The following DAB1 variants were observed in gnomAD, a reference collection of about 807,000 sequenced individuals.
DAB1 encodes the protein disabled homolog 1.
A neutral mutation model predicts 64.6 loss-of-function variants in DAB1; 15 were observed. That is an observed-to-expected ratio of 0.23 (90% CI 0.16 to 0.36). The LOEUF (loss-of-function observed/expected upper bound fraction) is 0.36. DAB1 is among the 10% of genes least tolerant of loss of function. The probability of loss-of-function intolerance (pLI) is 1.00; values close to 1 mark genes in which losing one functional copy is unlikely to be tolerated. For synonymous variants in DAB1, 235 were observed against 251.9 expected (o/e 0.93, Z 0.64); for missense variants, 596 against 706.7 (o/e 0.84, Z 1.78).
intron 7 of DAB1, among the ~76,000 whole-genome samples, chr1:57,586,220 G>A (rs1405836485): frequency 2.0e-5 from 3 of 152,166 alleles, no homozygotes; most frequent in Non-Finnish European, 4.4e-5. Context: ...AGGTGACTAA[G>A]AGAAACTTTT....
intron 5 of DAB1, among the ~76,000 whole-genome samples, chr1:58,076,613 A>T (rs535691729): frequency 2.6e-5 from 4 of 152,370 alleles, no homozygotes; most frequent in African/African-American, 9.6e-5. Context: ...AGGTTTCCTA[A>T]TTAGTAAACG....
intron 12 of DAB1, among the ~76,000 whole-genome samples, chr1:57,013,110 A>G (rs1027386744): frequency 1.3e-5 from 2 of 152,248 alleles, no homozygotes; most frequent in African/African-American, 4.8e-5. Flanking sequence ...ACATCCTACA[A>G]TGGGACAGCC....
chr1:58,396,919 G>T (rs912998503), intron 3 of DAB1, among the ~76,000 whole-genome samples: 1 of 152,108 alleles, frequency 6.6e-6, no homozygotes, highest in African/African-American at 2.4e-5. Context: ...CAAAAAACTA[G>T]CCGGGCGTAG....
At chr1:57,081,604 C>T (rs1652563163) in intron 4 of DAB1, among the ~76,000 whole-genome samples, 1 of 152,030 alleles carries the variant, frequency 6.6e-6, no homozygotes, top group Admixed American at 6.6e-5. Flanking sequence ...TCGCTTAAGA[C>T]TTTTTGAGGT....
chr1:57,161,615 C>G (rs1266214454), intron 2 of DAB1, among the ~76,000 whole-genome samples: 1 of 152,096 alleles, frequency 6.6e-6, no homozygotes, highest in Non-Finnish European at 1.5e-5. Flanking sequence ...TAAAAAATAA[C>G]AAATGTATTT....
At chr1:57,866,275 T>G (rs2101949591) in intron 1 of DAB1, 1 of 152,426 alleles carries the variant, frequency 6.6e-6, no homozygotes, top group East Asian at 1.9e-4. Flanking sequence ...CTGTCACTGT[T>G]GTTACTGTTA....
In DAB1 at chr1:57,473,391, G is replaced by A. The variant is rs547021341; in HGVS notation, n.625+176201C>T. ...AGGGCCCTTACTTGAGATGTTCCCC[G>A]CTGCAGTCACTGACACAGGTGAGAC... On this transcript the variant is annotated intron_variant and non_coding_transcript_variant, in intron 7 of 20. Transcript: ENST00000485760. Among the ~76,000 whole-genome samples the A allele has an allele frequency of 4.3e-4, 65 of 152,188 alleles. 1 individual carries two copies. The highest frequency in any genetic ancestry group is 3.5e-3 in the Admixed American group (53 of 15,282).
At chr1:57,621,604 C>T (rs983334707) in intron 7 of DAB1, among the ~76,000 whole-genome samples, 2 of 152,040 alleles carry the variant, frequency 1.3e-5, no homozygotes, top group South Asian at 2.1e-4. Context: ...GAAAGGTGCA[C>T]ACATGATCCC....
At chr1:57,134,049 G>A (rs188414223) in intron 4 of DAB1, among the ~76,000 whole-genome samples, 4 of 152,256 alleles carry the variant, frequency 2.6e-5, no homozygotes, top group African/African-American at 7.2e-5. Flanking sequence ...ACTTTGTCCA[G>A]CACTTTATCC....
At chr1:57,501,617 T>C (rs1416684448) in intron 7 of DAB1, among the ~76,000 whole-genome samples, 1 of 152,196 alleles carries the variant, frequency 6.6e-6, no homozygotes, top group Non-Finnish European at 1.5e-5. Context: ...ACGCAACAAA[T>C]TACATTTGAA....
chr1:57,603,857 G>A (rs867674056), intron 7 of DAB1, among the ~76,000 whole-genome samples: 1 of 152,056 alleles, frequency 6.6e-6, no homozygotes, highest in African/African-American at 2.4e-5. Flanking sequence ...AATGCTATTC[G>A]CCTCCTGCTT....
At position 58,467,134 on chromosome 1, in the gene DAB1, T is replaced by G. The variant is rs575329717; in HGVS notation, n.257+38926A>C. 2.6e-5 allele frequency among the ~76,000 whole-genome samples: 4 copies of G among 152,332 alleles called. No homozygotes were observed. In the East Asian group the frequency reaches 7.7e-4, roughly 29 times the overall value. On this transcript the variant is annotated intron_variant and non_coding_transcript_variant, in intron 3 of 20. Transcript: ENST00000485760. ...TGGCCATTCTCAAATTCACTGAGCC[T>G]TAGTTTCCTTATCTGTGAAAAGCAG...
chr1:57,138,649 A>G (rs1294401029), intron 3 of DAB1, among the ~76,000 whole-genome samples: 1 of 152,160 alleles, frequency 6.6e-6, no homozygotes, highest in African/African-American at 2.4e-5. Flanking sequence ...CCATGAATTC[A>G]CTGTGGGATG....
chr1:57,545,373 A>T (rs1644845149), intron 7 of DAB1, among the ~76,000 whole-genome samples: 1 of 152,150 alleles, frequency 6.6e-6, no homozygotes, highest in Admixed American at 6.5e-5. Flanking sequence ...TGTGAGCTCA[A>T]TCAGGGCAGT....
At chr1:58,198,593 T>C (rs1446469364) in intron 4 of DAB1, among the ~76,000 whole-genome samples, 1 of 152,216 alleles carries the variant, frequency 6.6e-6, no homozygotes, top group African/African-American at 2.4e-5. Context: ...CAACCTCTTC[T>C]ATATTCTCAG....
At chr1:58,198,212 C>T (rs1251133432) in intron 4 of DAB1, among the ~76,000 whole-genome samples, 1 of 152,198 alleles carries the variant, frequency 6.6e-6, no homozygotes, top group Non-Finnish European at 1.5e-5. Flanking sequence ...GAACTCAAAG[C>T]CACCTTTTAT....
intron 2 of DAB1, among the ~76,000 whole-genome samples, chr1:57,169,458 C>T (rs1661520987): frequency 6.6e-6 from 1 of 152,198 alleles, no homozygotes; most frequent in Non-Finnish European, 1.5e-5. Flanking sequence ...ACCAAGGTTA[C>T]ATAGCCAACG....
At position 57,466,950 on chromosome 1, in the gene DAB1, C is replaced by T. The variant is rs147531452; in HGVS notation, n.626-175784G>A. On this transcript the variant is annotated intron_variant and non_coding_transcript_variant, in intron 7 of 20. Transcript: ENST00000485760. Reference sequence around the variant, plus strand: ...CAGGGAAAATTCTGTGTTTAAAAGGCTTGTGTGATTAGATGAGACCCACCC... The same window carrying T: ...CAGGGAAAATTCTGTGTTTAAAAGGTTTGTGTGATTAGATGAGACCCACCC... Among the ~76,000 whole-genome samples the T allele has an allele frequency of 9.5e-4, 144 of 152,244 alleles. 1 individual carries two copies. The highest frequency in any genetic ancestry group is 3.4e-3 in the African/African-American group (140 of 41,544).
At chr1:57,161,850 C>CA (rs74260673) in intron 2 of DAB1, among the ~76,000 whole-genome samples, 1,321 of 127,810 alleles carry the variant, frequency 0.01, 7 homozygotes, top group African/African-American at 0.031. Context: ...ACCCATTCTT[C>CA]AAAAAAAAAA....
Sources: allele counts gnomAD v4.1 joint callset (sites outside exome capture counted in the v4.1 genomes callset), GRCh38; gene constraint gnomAD v4.1.1; transcripts MANE v1.5; gene names NCBI Gene and HGNC (gene_info 2026-07-23, HGNC 2026-07-21).